AGO2: variants seen among roughly 807,000 people sequenced by gnomAD.
AGO2 encodes argonaute RISC catalytic component 2.
A neutral mutation model predicts 102.3 loss-of-function variants in AGO2; 5 were observed. The observed-to-expected ratio is 0.05, with a 90% CI of 0.03 to 0.10. The LOEUF (loss-of-function observed/expected upper bound fraction) is 0.10, where lower values mean the gene tolerates loss of function less well. Among genes scored for constraint, AGO2 ranks in the 10% least tolerant of loss-of-function variants. AGO2 has a pLI of 1.00. For synonymous variants in AGO2, 449 were observed against 473.1 expected, an observed-to-expected ratio of 0.95 and a Z score of 0.66; for missense variants, 541 against 1,183.7, an observed-to-expected ratio of 0.46 and a Z score of 7.97.
intron 5 of AGO2, 85 bp from the exon 6 acceptor site, chr8:140,559,614 C>T: frequency 6.4e-7 from 1 of 1,551,666 alleles, no homozygotes; most frequent in South Asian, 1.2e-5. Flanking sequence ...CCTCATAGGC[C>T]AGGCCAGCCA....
chr8:140,588,356 T>G (rs1477086520), intron 1 of AGO2, among the ~76,000 whole-genome samples: 2 of 152,148 alleles, frequency 1.3e-5, no homozygotes, highest in Non-Finnish European at 2.9e-5. Context: ...CACCAATGCT[T>G]TGGTGTCCCA....
intron 1 of AGO2, among the ~76,000 whole-genome samples, chr8:140,625,253 C>G (rs1336761712): frequency 6.6e-6 from 1 of 152,196 alleles, no homozygotes; most frequent in Admixed American, 6.5e-5. Flanking sequence ...TTACAGGCGC[C>G]TGCCACCATG....
At position 140,524,219 on chromosome 8, in the gene AGO2, AC is replaced by A. The variant is rs1295021846; in HGVS notation, c.*7824del. The A allele has an allele frequency of 1.3e-5, 2 of 152,240 alleles. No individual in the cohort carries two copies. The highest frequency in any genetic ancestry group is 1.3e-4 in the Admixed American group (2 of 15,288). The allele number at this position is 152,240 out of a possible 1,614,324, so 9.4% of individuals were successfully genotyped here. On this transcript the variant is annotated 3_prime_UTR_variant, in exon 19 of 19. Transcript: ENST00000220592. ...CTTCACACACACACATTCTACAAAG[AC>A]ATGATTCCAATTCCTTTTTTAAAAA...
intron 2 of AGO2, among the ~76,000 whole-genome samples, chr8:140,578,144 G>T (rs997615618): frequency 6.6e-6 from 1 of 152,224 alleles, no homozygotes; most frequent in South Asian, 2.1e-4. Context: ...AGGAGGGGCC[G>T]ATCTTGTGTA....
In AGO2 at chr8:140,525,526, C is replaced by G. The variant is rs542133981; in HGVS notation, c.*6518G>C. ...GAGAGACTGCAAAGGACACTTAGCT[C>G]TTCCGGAATGAAAGCACGCAACGCA... On this transcript the variant is annotated 3_prime_UTR_variant, in exon 19 of 19. Transcript: ENST00000220592. 6.6e-6 allele frequency: 1 copy of G among 152,422 alleles called. No individual in the cohort carries two copies. The highest frequency in any genetic ancestry group is 2.1e-4 in the South Asian group (1 of 4,828). The allele number at this position is 152,422 out of a possible 1,614,324, so 9.4% of individuals were successfully genotyped here.
chr8:140,578,203 C>T (rs1022117450), intron 2 of AGO2, among the ~76,000 whole-genome samples: 1 of 152,226 alleles, frequency 6.6e-6, no homozygotes, highest in Admixed American at 6.5e-5. Flanking sequence ...TGGCACCTTG[C>T]TGCCTAATTC....
Position 140,585,277 on chromosome 8 carries a change from T to C in AGO2, c.57A>G (p.Gln19=), listed in dbSNP as rs372212871. 4.3e-6 allele frequency: 7 copies of C among 1,613,926 alleles called. No homozygotes were observed. The highest frequency in any genetic ancestry group is 5.9e-6 in the Non-Finnish European group (7 of 1,179,960). Residue 19 remains glutamine (Q), a synonymous_variant, in exon 2 of 19, where the codon CAA becomes CAG. Coordinates refer to ENST00000220592, the MANE Select transcript of AGO2 (RefSeq NM_012154.5). ...TAGGTGGAGGCTTGAAGGCATATCC[T>C]TGGATGGGGGGCGGCGGCGCAGGAG... ...LAPPAPPPPI[Q]GYAFKPPPRP... is the part of the protein sequence containing the mutation.
At chr8:140,630,252 G>A (rs542153055) in intron 1 of AGO2, among the ~76,000 whole-genome samples, 4 of 152,326 alleles carry the variant, frequency 2.6e-5, no homozygotes, top group South Asian at 2.1e-4. Context: ...GAGGCCGCCC[G>A]TCCACCCTGC....
intron 2 of AGO2, among the ~76,000 whole-genome samples, chr8:140,582,423 A>G (rs954118793): frequency 2.0e-5 from 3 of 152,248 alleles, no homozygotes; most frequent in Non-Finnish European, 4.4e-5. Context: ...CAGATCTGCA[A>G]TGCTCAACTG....
intron 2 of AGO2, among the ~76,000 whole-genome samples, chr8:140,575,064 C>T (rs1482322408): frequency 1.3e-5 from 2 of 152,090 alleles, no homozygotes; most frequent in African/African-American, 2.4e-5. Flanking sequence ...GGGGAGTGCC[C>T]GTGGCAGATG....
chr8:140,564,366 G>A (rs1225346088), intron 3 of AGO2, among the ~76,000 whole-genome samples: 1 of 152,102 alleles, frequency 6.6e-6, no homozygotes. Context: ...AGCTGGGCCT[G>A]GGTTGGGGGT....
At position 140,539,313 on chromosome 8, in the gene AGO2, A is replaced by G. The variant is rs73713169; in HGVS notation, c.2169+7T>C. The G allele has an allele frequency of 1.9e-3, 3,099 of 1,598,072 alleles. 52 individuals are homozygous for G. In the African/African-American group the frequency reaches 0.036, roughly 19 times the overall value. ...TGCCCCCTGCCTGGAGTCATGCAGA[A>G]ACTCACCCGCTCGTTCTTGTCAGTG... On this transcript the variant is annotated splice_region_variant and intron_variant, in intron 16 of 18. Transcript: ENST00000220592. This position sits in a 1 kb window ranked among gnomAD's most constrained non-coding sequence, Gnocchi z 4.7.
In AGO2 at chr8:140,524,407, G is replaced by A. The variant is rs943331509; in HGVS notation, c.*7637C>T. On this transcript the variant is annotated 3_prime_UTR_variant, in exon 19 of 19. Coordinates refer to ENST00000220592, the MANE Select transcript of AGO2 (RefSeq NM_012154.5). ...GGTCAGGGTATGGGAGAAACCACAC[G>A]ACTGGAACCAAGTGTTTTCCGCAAT... 2.6e-5 allele frequency: 4 copies of A among 152,322 alleles called. No homozygotes were observed. The East Asian group carries it at 5.8e-4, about 22-fold the overall frequency. 9.4% of individuals were successfully genotyped at this position (152,322 alleles called of 1,614,324 possible).
At chr8:140,542,021 C>A (rs2072808259) in intron 14 of AGO2, among the ~76,000 whole-genome samples, 1 of 152,166 alleles carries the variant, frequency 6.6e-6, no homozygotes, top group Non-Finnish European at 1.5e-5. Context: ...CCTATTTCTT[C>A]CAAAGAAACT....
chr8:140,617,544 C>T (rs1216145424), intron 1 of AGO2, among the ~76,000 whole-genome samples: 4 of 152,160 alleles, frequency 2.6e-5, no homozygotes, highest in Admixed American at 2.0e-4. Flanking sequence ...TAAGCCACTG[C>T]GCCTGGCCGA....
At chr8:140,622,011 A>G (rs1049381556) in intron 1 of AGO2, among the ~76,000 whole-genome samples, 6 of 152,232 alleles carry the variant, frequency 3.9e-5, no homozygotes, top group African/African-American at 1.2e-4. Context: ...AGGTGGAAAC[A>G]AGCCAAATCG....
intron 6 of AGO2, among the ~76,000 whole-genome samples, chr8:140,559,095 C>A (rs564208000): frequency 1.3e-5 from 2 of 152,178 alleles, no homozygotes; most frequent in African/African-American, 2.4e-5. Flanking sequence ...TAGGTTCCAG[C>A]GTTAGGAAAT....
At chr8:140,627,796 C>T (rs769251145) in intron 1 of AGO2, among the ~76,000 whole-genome samples, 1 of 152,216 alleles carries the variant, frequency 6.6e-6, no homozygotes, top group Non-Finnish European at 1.5e-5. Flanking sequence ...GCACCCCACA[C>T]AAGCATGGCG....
intron 1 of AGO2, among the ~76,000 whole-genome samples, chr8:140,588,361 G>A (rs2073690401): frequency 6.6e-6 from 1 of 152,130 alleles, no homozygotes; most frequent in African/African-American, 2.4e-5. Flanking sequence ...ATGCTTTGGT[G>A]TCCCAGTGCA....
Sources: allele counts gnomAD v4.1 joint callset (sites outside exome capture counted in the v4.1 genomes callset), GRCh38; gene constraint gnomAD v4.1.1; non-coding constraint Gnocchi (gnomAD v3.1); transcripts MANE v1.5; gene names NCBI Gene and HGNC (gene_info 2026-07-23, HGNC 2026-07-21).